The following TXK variants were observed in gnomAD, a reference collection of about 807,000 sequenced individuals.
TXK encodes the protein TXK tyrosine kinase, also known as tyrosine-protein kinase TXK.
TXK carries 60 observed loss-of-function variants against 81.0 expected under a neutral mutation model. That is an observed-to-expected ratio of 0.74 (90% confidence interval 0.60 to 0.92). The LOEUF is 0.92. Among genes scored for constraint, TXK ranks in the 40% least tolerant of loss-of-function variants. TXK has a pLI of 0.00. For synonymous variants in TXK, 203 were observed against 210.7 expected, an observed-to-expected ratio of 0.96 and a Z score of 0.32; for missense variants, 581 against 638.3, an observed-to-expected ratio of 0.91 and a Z score of 0.97.
rs1215134590 is a variant in TXK, at chr4:48,094,079, G to A, written c.707C>T (p.Ala236Val). 2 of 1,613,306 alleles carry A rather than the reference G, an allele frequency of 1.2e-6. No homozygotes were observed. The highest frequency in any genetic ancestry group is 1.7e-6 in the Non-Finnish European group (2 of 1,180,026). ...CCAGCTGGAAGTTCCCCTCTTACCG[G>A]CTGCATTGTGCTGGTGATACCAGAT... ...ELIWYHQHNAAGLMTRLRYPV... is the reference protein window; with the variant it reads ...ELIWYHQHNAVGLMTRLRYPV... The change falls in exon 8 of 15, where the codon GCC becomes GTC. Residue 236 changes from alanine (A) to valine (V), a missense_variant and splice_region_variant. Ala to Val is a moderately conservative substitution (Grantham distance 64). Coordinates refer to ENST00000264316, the MANE Select transcript of TXK (RefSeq NM_003328.3).
intron 1 of TXK, among the ~76,000 whole-genome samples, chr4:48,123,982 C>T (rs542230453): frequency 5.9e-5 from 9 of 152,282 alleles, no homozygotes; most frequent in Middle Eastern, 3.4e-3. Context: ...CATTGCAATA[C>T]ACTCCCATGT....
In TXK at chr4:48,071,638, A is replaced by AT. The variant is rs1265786785; in HGVS notation, c.1393dup (p.Met465AsnfsTer4). 6.2e-7 allele frequency: 1 copy of AT among 1,614,186 alleles called. No homozygotes were observed. Among genetic ancestry groups the AT allele is most frequent in the Non-Finnish European group, 8.5e-7 (1 of 1,180,026 alleles). The stretch of plus-strand genomic sequence containing the variant: ...CAAATTTGACTTATTTTCAAAAGGC[A>AT]TTTTTCCTTCTGTAAAAACTTCCCA... On this transcript the variant is annotated frameshift_variant, in exon 14 of 15. Transcript: ENST00000264316. LOFTEE classifies it high-confidence loss of function.
At chr4:48,121,567 T>C (rs1014299942) in intron 1 of TXK, among the ~76,000 whole-genome samples, 5 of 152,222 alleles carry the variant, frequency 3.3e-5, no homozygotes, top group African/African-American at 1.2e-4. Flanking sequence ...AATATTTGCA[T>C]GTAACCTACA....
intron 5 of TXK, among the ~76,000 whole-genome samples, chr4:48,105,328 C>A (rs1420467230): frequency 1.3e-5 from 2 of 152,168 alleles, no homozygotes; most frequent in Non-Finnish European, 2.9e-5. Flanking sequence ...CTCTCAGAAA[C>A]TTCCTATTTA....
intron 4 of TXK, among the ~76,000 whole-genome samples, chr4:48,111,468 CTA>C (rs1203307403): frequency 6.6e-6 from 1 of 152,138 alleles, no homozygotes; most frequent in African/African-American, 2.4e-5. Flanking sequence ...TTTAAAAACT[CTA>C]TTCACTTACT....
intron 8 of TXK, among the ~76,000 whole-genome samples, chr4:48,092,715 T>C (rs761141483): frequency 1.3e-5 from 2 of 151,994 alleles, no homozygotes; most frequent in African/African-American, 2.4e-5. Flanking sequence ...ATGGAAGAGA[T>C]ACAGGAGAGA....
At chr4:48,090,081 T>C (rs189291982) in intron 8 of TXK, among the ~76,000 whole-genome samples, 191 of 152,328 alleles carry the variant, frequency 1.3e-3, no homozygotes, top group Non-Finnish European at 2.1e-3. Flanking sequence ...CACAGATAGA[T>C]TGTTATCATC....
At position 48,114,293 on chromosome 4, in the gene TXK, A is replaced by G. The variant is rs1024975928; in HGVS notation, c.71+55T>C. 6 of 1,572,278 alleles carry G rather than the reference A, an allele frequency of 3.8e-6. No individual in the cohort carries two copies. The African/African-American group carries it at 8.1e-5, about 21-fold the overall frequency. ...AAGAGACATGGTGACTCCACAGGTAATAAAGAAACGGAATTAATTAATTTT... is the reference window on the plus strand; with the variant it reads ...AAGAGACATGGTGACTCCACAGGTAGTAAAGAAACGGAATTAATTAATTTT... On this transcript the variant is annotated intron_variant, in intron 2 of 14. Coordinates refer to ENST00000264316, the MANE Select transcript of TXK (RefSeq NM_003328.3).
At chr4:48,111,963 GA>G (rs1186107371) in intron 4 of TXK, among the ~76,000 whole-genome samples, 2 of 152,146 alleles carry the variant, frequency 1.3e-5, no homozygotes, top group Admixed American at 1.3e-4. Flanking sequence ...AGCTTAACAG[GA>G]AAAAACTGAC....
chr4:48,078,771 G>A (rs1717169195), intron 11 of TXK, among the ~76,000 whole-genome samples: 1 of 152,232 alleles, frequency 6.6e-6, no homozygotes, highest in South Asian at 2.1e-4. Context: ...CTCCACATCA[G>A]GAGCAGTTAT....
chr4:48,070,804 C>T (rs1716816363), intron 14 of TXK, among the ~76,000 whole-genome samples: 1 of 151,680 alleles, frequency 6.6e-6, no homozygotes, highest in African/African-American at 2.4e-5. Flanking sequence ...GTCTCAAACT[C>T]CTGACCTCAA....
chr4:48,090,129 T>C (rs537836527), intron 8 of TXK, among the ~76,000 whole-genome samples: 1 of 152,334 alleles, frequency 6.6e-6, no homozygotes, highest in East Asian at 1.9e-4. Flanking sequence ...ATGTGCATAA[T>C]TGAAAACATG....
chr4:48,121,321 A>G (rs1718955259), intron 1 of TXK, among the ~76,000 whole-genome samples: 1 of 152,162 alleles, frequency 6.6e-6, no homozygotes, highest in Admixed American at 6.6e-5. Context: ...AACAGGCTCT[A>G]TCACCCTTCT....
At chr4:48,112,261 T>A in intron 4 of TXK, 46 bp downstream of exon 4, 6 of 1,565,876 alleles carry the variant, frequency 3.8e-6, no homozygotes, top group Non-Finnish European at 5.3e-6. Flanking sequence ...TAGTCTTCTT[T>A]GTGTTGGAAG....
At chr4:48,129,751 T>C (rs926853846) in intron 1 of TXK, among the ~76,000 whole-genome samples, 2 of 152,150 alleles carry the variant, frequency 1.3e-5, no homozygotes, top group African/African-American at 4.8e-5. Context: ...CTGATGTGAG[T>C]TGGTCTTTGC....
rs1206244915 is a variant in TXK, at chr4:48,104,893, T to C, written c.501+8A>G. On this transcript the variant is annotated splice_region_variant and intron_variant, in intron 6 of 14. Transcript: ENST00000264316. ...ATTTTGAAAATGTCCACAAATACAT[T>C]GAATTACCTCTTGTCTCAATAGATG... The C allele has an allele frequency of 1.3e-6, 2 of 1,585,968 alleles. No individual in the cohort carries two copies. Among genetic ancestry groups the C allele is most frequent in the Non-Finnish European group, 1.7e-6 (2 of 1,167,102 alleles).
At chr4:48,132,283 T>C (rs912042418) in intron 1 of TXK, among the ~76,000 whole-genome samples, 1 of 152,196 alleles carries the variant, frequency 6.6e-6, no homozygotes, top group African/African-American at 2.4e-5. Flanking sequence ...TTTTCCTTCC[T>C]TATCTGCAAA....
Position 48,067,486 on chromosome 4 carries a change from A to G in TXK, c.*151T>C. The G allele has an allele frequency of 1.3e-6, 1 of 783,806 alleles. No homozygotes were observed. The highest frequency in any genetic ancestry group is 1.7e-5 in the African/African-American group (1 of 58,068). The allele number at this position is 783,806 out of a possible 1,614,324, so 48.6% of individuals were successfully genotyped here. On this transcript the variant is annotated 3_prime_UTR_variant, in exon 15 of 15. Transcript: ENST00000264316. ...TTGTGTGAATATTCTTAAATTTTTAAAACTTTTAAAAACTGTGATCTTTGC... is the reference window on the plus strand; with the variant it reads ...TTGTGTGAATATTCTTAAATTTTTAGAACTTTTAAAAACTGTGATCTTTGC...
intron 8 of TXK, among the ~76,000 whole-genome samples, chr4:48,091,078 G>A (rs1448452134): frequency 1.3e-5 from 2 of 152,226 alleles, no homozygotes; most frequent in Non-Finnish European, 2.9e-5. Context: ...ATCTCAGTGA[G>A]AGAAGACAGG....
Sources: allele counts gnomAD v4.1 joint callset (sites outside exome capture counted in the v4.1 genomes callset), GRCh38; gene constraint gnomAD v4.1.1; transcripts MANE v1.5; gene names NCBI Gene and HGNC (gene_info 2026-07-23, HGNC 2026-07-21).